Variants in RAG1 observed in about 807,000 individuals in gnomAD.
RAG1 encodes recombination activating 1.
Under a neutral mutation model 62.7 loss-of-function variants are expected in RAG1, and 35 were observed. The ratio of observed to expected loss-of-function variants is 0.56; its 90% CI spans 0.43 to 0.74. RAG1 has a LOEUF of 0.74. RAG1 is among the 30% of genes least tolerant of loss of function. The probability of loss-of-function intolerance (pLI) is 0.00; values close to 1 mark genes in which losing one functional copy is unlikely to be tolerated. For missense variants in RAG1, 1,169 were observed against 1,278.6 expected, an observed-to-expected ratio of 0.91 and a Z score of 1.31; for synonymous variants, 461 against 470.3, an observed-to-expected ratio of 0.98 and a Z score of 0.26.
intron 3 of RAG1, among the ~76,000 whole-genome samples, chr11:36,544,488 A>G (rs1850363133): frequency 6.6e-6 from 1 of 152,206 alleles, no homozygotes; most frequent in Non-Finnish European, 1.5e-5. Flanking sequence ...GAAGACAGCC[A>G]GTGTTAACAG....
At chr11:36,571,900 G>A (rs1038730815) in intron 1 of RAG1, among the ~76,000 whole-genome samples, 1 of 152,154 alleles carries the variant, frequency 6.6e-6, no homozygotes, top group African/African-American at 2.4e-5. Flanking sequence ...TCACAGGCAT[G>A]AGCCACTGTG....
intron 2 of RAG1, among the ~76,000 whole-genome samples, chr11:36,524,833 G>T (rs539019529): frequency 9.2e-5 from 14 of 152,238 alleles, no homozygotes; most frequent in African/African-American, 3.4e-4. Flanking sequence ...GGCTAAAAAT[G>T]TGTAACATCT....
intron 3 of RAG1, among the ~76,000 whole-genome samples, chr11:36,561,524 G>A (rs1850583375): frequency 6.6e-6 from 1 of 152,124 alleles, no homozygotes; most frequent in Non-Finnish European, 1.5e-5. Flanking sequence ...ATTCCTCGGT[G>A]TGTCTGTTAG....
chr11:36,523,741 T>TA (rs1247777115), intron 2 of RAG1, among the ~76,000 whole-genome samples: 1 of 152,148 alleles, frequency 6.6e-6, no homozygotes, highest in Non-Finnish European at 1.5e-5. Flanking sequence ...ATAATTTTTT[T>TA]AAAAAAATTA....
At chr11:36,551,750 C>A (rs1333729454) in intron 3 of RAG1, among the ~76,000 whole-genome samples, 1 of 133,342 alleles carries the variant, frequency 7.5e-6, no homozygotes, top group Non-Finnish European at 1.6e-5. Context: ...AATGCTATCC[C>A]TCCCCCCTCC....
intron 1 of RAG1, among the ~76,000 whole-genome samples, chr11:36,511,644 T>C (rs951783322): frequency 4.6e-5 from 7 of 152,204 alleles, no homozygotes; most frequent in African/African-American, 4.8e-5. Flanking sequence ...TTTGAAACAC[T>C]TAAGACATAA....
At chr11:36,540,578 T>C (rs1220260941), downstream of RAG1, among the ~76,000 whole-genome samples, 1 of 152,006 alleles carries the variant, frequency 6.6e-6, no homozygotes, top group African/African-American at 2.4e-5. Flanking sequence ...CTAATTTTTT[T>C]TGGATTTTTA....
intron 1 of RAG1, among the ~76,000 whole-genome samples, chr11:36,513,089 A>G (rs966699587): frequency 2.0e-5 from 3 of 152,150 alleles, no homozygotes; most frequent in African/African-American, 7.2e-5. Flanking sequence ...TTATAAAGGG[A>G]CAAGTTTGGT....
chr11:36,551,870 T>C (rs1850492165), intron 3 of RAG1, among the ~76,000 whole-genome samples: 2 of 145,770 alleles, frequency 1.4e-5, no homozygotes, highest in Non-Finnish European at 3.0e-5. Flanking sequence ...TGTTTTTTGT[T>C]CTTGCGATAG....
At position 36,576,643 on chromosome 11, in the gene RAG1, C is replaced by G. The variant is rs1850857522; in HGVS notation, c.*207C>G. 1 of 625,410 alleles carries G rather than the reference C, an allele frequency of 1.6e-6. No homozygotes were observed. Among genetic ancestry groups the G allele is most frequent in the African/African-American group, 1.8e-5 (1 of 54,116 alleles). 38.7% of individuals were successfully genotyped at this position (625,410 alleles called of 1,614,324 possible). ...GAGGCTTTTAGTGAGTTCCGAAAAG[C>G]AACAGGAAAAATCAGTTATCTGAAA... On this transcript the variant is annotated 3_prime_UTR_variant, in exon 2 of 2. Coordinates refer to ENST00000299440, the MANE Select transcript of RAG1 (RefSeq NM_000448.3).
intron 2 of RAG1, among the ~76,000 whole-genome samples, chr11:36,520,598 G>A (rs540501290): frequency 3.9e-4 from 59 of 152,228 alleles, no homozygotes; most frequent in African/African-American, 1.2e-3. Context: ...TTCAAATGTA[G>A]TGATAACATA....
rs1226918177 is a variant in RAG1 at position 36,574,122 on chromosome 11, A to G, written c.818A>G (p.His273Arg). 1.9e-6 allele frequency: 3 copies of G among 1,614,110 alleles called. No individual in the cohort carries two copies. Among genetic ancestry groups the G allele is most frequent in the Non-Finnish European group, 1.7e-6 (2 of 1,180,058 alleles). The change falls in exon 2 of 2, where the codon CAT (histidine) becomes CGT (arginine). Residue 273 changes from histidine (H) to arginine (R), a missense_variant. Physicochemically the swap from His to Arg is conservative, Grantham distance 29. This residue lies in a region of RAG1 where 800 missense variants were observed against 943.3 expected (regional missense o/e 0.85). Coordinates refer to ENST00000299440, the MANE Select transcript of RAG1 (RefSeq NM_000448.3). The part of the protein sequence containing the change: ...MKKIANCSKI[H>R]LSTKLLAVDF... Reference sequence around the variant, plus strand: ...AAGATCGCCAACTGCAGTAAGATACATCTTAGTACCAAGCTCCTTGCAGTG... The same window carrying G: ...AAGATCGCCAACTGCAGTAAGATACGTCTTAGTACCAAGCTCCTTGCAGTG...
downstream of RAG1, among the ~76,000 whole-genome samples, chr11:36,540,627 C>T (rs1411105899): frequency 6.6e-6 from 1 of 152,076 alleles, no homozygotes; most frequent in Non-Finnish European, 1.5e-5. Context: ...AGGATGGTCT[C>T]GATCTCCTGA....
chr11:36,525,159 G>A (rs1217385190), intron 2 of RAG1, among the ~76,000 whole-genome samples: 1 of 151,300 alleles, frequency 6.6e-6, no homozygotes, highest in African/African-American at 2.4e-5. Context: ...TTAAAAGGCT[G>A]TTTTTTCTCT....
upstream of RAG1, among the ~76,000 whole-genome samples, chr11:36,565,487 C>A (rs143196268): frequency 6.1e-4 from 93 of 152,320 alleles, no homozygotes; most frequent in Non-Finnish European, 8.7e-4. Flanking sequence ...CACAGCTAAT[C>A]ACTAGTCTGG....
At chr11:36,512,715 T>C (rs1859943017) in intron 1 of RAG1, among the ~76,000 whole-genome samples, 2 of 152,206 alleles carry the variant, frequency 1.3e-5, no homozygotes, top group African/African-American at 4.8e-5. Context: ...TACCTATATA[T>C]AGCAACCACA....
downstream of RAG1, among the ~76,000 whole-genome samples, chr11:36,539,097 T>C (rs1860375339): frequency 6.6e-6 from 1 of 152,040 alleles, no homozygotes; most frequent in African/African-American, 2.4e-5. Flanking sequence ...CCAACCCCAG[T>C]GTTATTGTAT....
chr11:36,519,625 G>A (rs901992959), intron 1 of RAG1, among the ~76,000 whole-genome samples: 1 of 152,082 alleles, frequency 6.6e-6, no homozygotes, highest in Non-Finnish European at 1.5e-5. Context: ...ACTTTAAGAA[G>A]GATTCCTTCA....
chr11:36,510,488 T>C (rs1859901306), upstream of RAG1: 2 of 152,296 alleles, frequency 1.3e-5, no homozygotes, highest in Admixed American at 6.5e-5. Context: ...TGGGTGTGTG[T>C]TGGAATGAGG....
Sources: allele counts gnomAD v4.1 joint callset (sites outside exome capture counted in the v4.1 genomes callset), GRCh38; gene constraint gnomAD v4.1.1; regional missense constraint gnomAD v4.1.1; transcripts MANE v1.5; gene names NCBI Gene and HGNC (gene_info 2026-07-23, HGNC 2026-07-21).